The following SLC4A4 variants were observed in gnomAD, a reference collection of about 807,000 sequenced individuals.
SLC4A4 encodes solute carrier family 4 member 4.
SLC4A4 carries 27 observed loss-of-function variants against 111.5 expected under a neutral mutation model. That is an observed-to-expected ratio of 0.24 (90% CI 0.18 to 0.33). The LOEUF is 0.33. SLC4A4 is among the 10% of genes least tolerant of loss of function. The pLI is 1.00. For synonymous variants in SLC4A4, 443 were observed against 463.4 expected (o/e 0.96, Z 0.57); for missense variants, 909 against 1,315.5 (o/e 0.69, Z 4.78).
At chr4:71,122,763 C>T (rs1743468200) in intron 2 of SLC4A4, among the ~76,000 whole-genome samples, 1 of 152,164 alleles carries the variant, frequency 6.6e-6, no homozygotes, top group Non-Finnish European at 1.5e-5. Context: ...CTCGGCATCT[C>T]CTTGCCTACC....
At chr4:71,099,240 A>G (rs1742646902) in intron 2 of SLC4A4, among the ~76,000 whole-genome samples, 1 of 152,208 alleles carries the variant, frequency 6.6e-6, no homozygotes, top group African/African-American at 2.4e-5. Context: ...AACTGAAATC[A>G]CACCAAACAT....
chr4:71,402,316 A>C (rs985352051), intron 7 of SLC4A4, among the ~76,000 whole-genome samples: 3 of 152,196 alleles, frequency 2.0e-5, no homozygotes, highest in African/African-American at 7.2e-5. Flanking sequence ...AACCAAGTCC[A>C]CTGAGATGAC....
intron 8 of SLC4A4, among the ~76,000 whole-genome samples, chr4:71,444,137 G>C (rs1308155216): frequency 6.6e-6 from 1 of 152,180 alleles, no homozygotes; most frequent in African/African-American, 2.4e-5. Context: ...CAGGAAAGAG[G>C]GGGGTGCATA....
rs563868775 is a variant in SLC4A4 at position 71,465,407 on chromosome 4, C to G, written c.1498-1037C>G. Among the ~76,000 whole-genome samples, 563 of 151,588 alleles carry G rather than the reference C, an allele frequency of 3.7e-3. 4 individuals are homozygous for G. Among genetic ancestry groups the G allele is most frequent in the African/African-American group, 0.013 (540 of 41,402 alleles). ...ATCTTTTTATGTTTAAAAATCATGT[C>G]TTCATAAAATATTATTTTATGTCTA... On this transcript the variant is annotated intron_variant, in intron 12 of 25. Coordinates refer to ENST00000264485, the MANE Select transcript of SLC4A4 (RefSeq NM_001098484.3).
chr4:71,211,824 T>G (rs1718150107), intron 1 of SLC4A4, among the ~76,000 whole-genome samples: 2 of 151,768 alleles, frequency 1.3e-5, no homozygotes, highest in African/African-American at 4.8e-5. Flanking sequence ...TTTATGGAGC[T>G]TATCAAAGCC....
chr4:71,091,230 G>A (rs889000625), intron 1 of SLC4A4, among the ~76,000 whole-genome samples: 1 of 151,420 alleles, frequency 6.6e-6, no homozygotes, highest in Non-Finnish European at 1.5e-5. Flanking sequence ...TTACAGGCGT[G>A]AGCCACTGTG....
intron 14 of SLC4A4, chr4:71,473,349 G>A: frequency 2.0e-6 from 1 of 497,706 alleles, no homozygotes; most frequent in Non-Finnish European, 3.6e-6. Flanking sequence ...ATTGGTGTAG[G>A]AATGTCTTCC....
chr4:71,283,750 C>T (rs1159345243), intron 3 of SLC4A4, among the ~76,000 whole-genome samples: 2 of 152,192 alleles, frequency 1.3e-5, no homozygotes, highest in African/African-American at 4.8e-5. Context: ...TCCTCTACAA[C>T]ATTTCCGCTG....
intron 1 of SLC4A4, among the ~76,000 whole-genome samples, chr4:71,215,263 C>T (rs1718356914): frequency 6.6e-6 from 1 of 152,174 alleles, no homozygotes; most frequent in Admixed American, 6.5e-5. Context: ...TATTAATTCG[C>T]TCCTGACTGC....
chr4:71,281,924 CTT>C (rs765763593), intron 3 of SLC4A4, among the ~76,000 whole-genome samples: 21 of 136,666 alleles, frequency 1.5e-4, no homozygotes, highest in Non-Finnish European at 1.3e-4. Flanking sequence ...TTTTCTCTTT[CTT>C]TTTTTTTTTT....
intron 16 of SLC4A4, among the ~76,000 whole-genome samples, chr4:71,513,591 C>T (rs1732117950): frequency 6.6e-6 from 1 of 152,072 alleles, no homozygotes; most frequent in Non-Finnish European, 1.5e-5. Context: ...AATTTAACTT[C>T]CCCTTTTCCA....
intron 3 of SLC4A4, among the ~76,000 whole-genome samples, chr4:71,333,338 T>C (rs1045484004): frequency 3.9e-5 from 6 of 152,236 alleles, no homozygotes; most frequent in Non-Finnish European, 7.4e-5. Flanking sequence ...TTCCCTGGAT[T>C]ACCAGGCAGA....
chr4:71,248,950 C>T (rs1390441265), intron 2 of SLC4A4, among the ~76,000 whole-genome samples: 1 of 152,166 alleles, frequency 6.6e-6, no homozygotes, highest in Non-Finnish European at 1.5e-5. Flanking sequence ...AAGCTTGTGT[C>T]TCCTTTGAGA....
intron 2 of SLC4A4, among the ~76,000 whole-genome samples, chr4:71,123,644 C>T (rs1399925601): frequency 6.6e-6 from 1 of 152,082 alleles, no homozygotes; most frequent in African/African-American, 2.4e-5. Flanking sequence ...AAACAAAAAG[C>T]TTCATAATAC....
At chr4:71,486,737 C>T (rs1175589801) in intron 14 of SLC4A4, among the ~76,000 whole-genome samples, 1 of 150,712 alleles carries the variant, frequency 6.6e-6, no homozygotes, top group African/African-American at 2.4e-5. Context: ...CATTTCTTAT[C>T]AGATTAGAGC....
At chr4:71,310,611 TA>T (rs1274681556) in intron 3 of SLC4A4, among the ~76,000 whole-genome samples, 1 of 152,114 alleles carries the variant, frequency 6.6e-6, no homozygotes, top group Non-Finnish European at 1.5e-5. Context: ...AAAGGAGAAA[TA>T]AAATCCTTTG....
chr4:71,105,797 T>A (rs1742899179), intron 2 of SLC4A4, among the ~76,000 whole-genome samples: 1 of 106,646 alleles, frequency 9.4e-6, no homozygotes, highest in Non-Finnish European at 2.0e-5. Context: ...ACTTAAACAT[T>A]AGACCTAAAA....
chr4:71,472,474 C>T (rs1164440402), intron 13 of SLC4A4, among the ~76,000 whole-genome samples: 1 of 151,908 alleles, frequency 6.6e-6, no homozygotes, highest in African/African-American at 2.4e-5. Context: ...AATGATATAA[C>T]TACTTTCAAT....
At chr4:71,477,421 C>A (rs1728469874) in intron 14 of SLC4A4, among the ~76,000 whole-genome samples, 1 of 151,698 alleles carries the variant, frequency 6.6e-6, no homozygotes, top group Non-Finnish European at 1.5e-5. Context: ...GGGAAAGATA[C>A]TAACAAGGCT....
Sources: allele counts gnomAD v4.1 joint callset (sites outside exome capture counted in the v4.1 genomes callset), GRCh38; gene constraint gnomAD v4.1.1; transcripts MANE v1.5; gene names NCBI Gene and HGNC (gene_info 2026-07-23, HGNC 2026-07-21).